The following ZNF331 variants were observed in gnomAD, a reference collection of about 807,000 sequenced individuals.
ZNF331 encodes the protein zinc finger protein 331, also known as C2H2-like zinc finger protein rearranged in thyroid adenomas.
Under a neutral mutation model 7.0 loss-of-function variants are expected in ZNF331, and 2 were observed. That is an observed-to-expected ratio of 0.29 (90% CI 0.12 to 0.90). The LOEUF is 0.90. Ranked by LOEUF, ZNF331 falls within the 40% of genes least tolerant of loss-of-function variation. The pLI is 0.58. For missense variants in ZNF331, 432 were observed against 587.7 expected (o/e 0.74, Z 2.74); for synonymous variants, 196 against 205.4 (o/e 0.95, Z 0.39).
At chr19:53,519,623 G>C (rs1212783817), upstream of ZNF331, among the ~76,000 whole-genome samples, 2 of 152,186 alleles carry the variant, frequency 1.3e-5, no homozygotes, top group African/African-American at 4.8e-5. Context: ...AAGCCATACA[G>C]CCCAGGCCTC....
chr19:53,550,465 A>G (rs757116309), intron 2 of ZNF331, among the ~76,000 whole-genome samples: 5 of 150,348 alleles, frequency 3.3e-5, no homozygotes, highest in African/African-American at 9.8e-5. Context: ...CTGATGGACT[A>G]ATTTTATTAT....
chr19:53,572,589 ATATT>A (rs1368445953), intron 5 of ZNF331, among the ~76,000 whole-genome samples: 2 of 62,620 alleles, frequency 3.2e-5, no homozygotes, highest in African/African-American at 8.6e-5. Context: ...ATACACATAT[ATATT>A]ATATATACAC....
At chr19:53,547,502 A>G (rs2088691321) in intron 2 of ZNF331, among the ~76,000 whole-genome samples, 1 of 152,204 alleles carries the variant, frequency 6.6e-6, no homozygotes, top group Non-Finnish European at 1.5e-5. Flanking sequence ...ACGGGAGCAC[A>G]GGTATCGCCA....
upstream of ZNF331, among the ~76,000 whole-genome samples, chr19:53,516,510 G>A (rs1020028608): frequency 2.0e-5 from 3 of 151,852 alleles, no homozygotes; most frequent in Admixed American, 2.0e-4. Context: ...AGTTTCTGAA[G>A]GATAAACTGA....
At chr19:53,552,555 CA>C (rs1225832704) in intron 2 of ZNF331, among the ~76,000 whole-genome samples, 19 of 143,576 alleles carry the variant, frequency 1.3e-4, no homozygotes, top group South Asian at 2.2e-4. Context: ...CCGTCTCTAC[CA>C]AAAAAAAAAG....
chr19:53,564,031 C>CAAAAA (rs57538972), intron 3 of ZNF331, among the ~76,000 whole-genome samples: 2 of 75,630 alleles, frequency 2.6e-5, no homozygotes, highest in African/African-American at 1.2e-4. Flanking sequence ...GACTTCATCT[C>CAAAAA]AAAAAAAAAA....
At chr19:53,517,405 C>T (rs2086928645), upstream of ZNF331, among the ~76,000 whole-genome samples, 2 of 152,130 alleles carry the variant, frequency 1.3e-5, no homozygotes, top group South Asian at 4.1e-4. Flanking sequence ...ATCAGTCCTC[C>T]CCACAGGACT....
chr19:53,558,256 T>C lies in ZNF331; in HGVS notation c.-74+2348T>C, dbSNP rs540974753. The stretch of plus-strand genomic sequence containing the variant: ...ATATACCAGTTTATTACAAAGGATA[T>C]TTTAAAGGATACTAATGAACAGCCA... On this transcript the variant is annotated intron_variant, in intron 3 of 5. Coordinates refer to ENST00000449416, the MANE Select transcript of ZNF331 (RefSeq NM_001079906.2). The surrounding 1 kb of genome is among the most constrained non-coding windows in gnomAD (Gnocchi z 4.5). Among the ~76,000 whole-genome samples, 18 of 152,274 alleles carry C rather than the reference T, an allele frequency of 1.2e-4. No individual in the cohort carries two copies. The highest frequency in any genetic ancestry group is 3.9e-4 in the African/African-American group (16 of 41,534).
upstream of ZNF331, among the ~76,000 whole-genome samples, chr19:53,520,054 A>ATTC (rs1394650496): frequency 6.6e-6 from 1 of 151,548 alleles, no homozygotes; most frequent in Admixed American, 6.6e-5. Flanking sequence ...TATTATTATT[A>ATTC]TTATTATTTT....
rs2089553874 is a variant in ZNF331 at position 53,558,138 on chromosome 19, C to G, written c.-74+2230C>G. Reference sequence around the variant, plus strand: ...CCCCACTAGCCACAAGACCAGGCCTCTGGGACATCTTGCCAACCCTCTACA... The same window carrying G: ...CCCCACTAGCCACAAGACCAGGCCTGTGGGACATCTTGCCAACCCTCTACA... On this transcript the variant is annotated intron_variant, in intron 3 of 5. Transcript: ENST00000449416. This position sits in a 1 kb window ranked among gnomAD's most constrained non-coding sequence, Gnocchi z 4.5. Among the ~76,000 whole-genome samples the G allele has an allele frequency of 1.3e-5, 2 of 152,172 alleles. No homozygotes were observed. Among genetic ancestry groups the G allele is most frequent in the African/African-American group, 4.8e-5 (2 of 41,432 alleles).
intron 2 of ZNF331, among the ~76,000 whole-genome samples, chr19:53,531,404 CTG>C (rs1338155133): frequency 6.6e-6 from 1 of 152,134 alleles, no homozygotes; most frequent in East Asian, 1.9e-4. Flanking sequence ...CTTTGGCAAA[CTG>C]TGTAGCTTTT....
At chr19:53,514,244 G>C in the ZNF331 span, among the ~76,000 whole-genome samples, 1 of 152,072 alleles carries the variant, frequency 6.6e-6, no homozygotes, top group Non-Finnish European at 1.5e-5. Context: ...TGTTGCCCAG[G>C]CTGGAGTGCA....
chr19:53,509,549 G>A, the ZNF331 span, among the ~76,000 whole-genome samples: 1 of 152,196 alleles, frequency 6.6e-6, no homozygotes, highest in Non-Finnish European at 1.5e-5. Context: ...TACACAGGAA[G>A]TAGATGGATC....
In ZNF331 at chr19:53,579,125, T is replaced by C. The variant is rs776705584; in HGVS notation, c.*1173T>C. The C allele has an allele frequency of 2.7e-4, 54 of 200,462 alleles. No individual in the cohort carries two copies. The highest frequency in any genetic ancestry group is 4.8e-4 in the Non-Finnish European group (47 of 97,310). The allele number at this position is 200,462 out of a possible 1,614,324, so 12.4% of individuals were successfully genotyped here. A position where few individuals can be genotyped will look rare whatever the true frequency, so the allele number is the denominator to read the frequency against. The stretch of plus-strand genomic sequence containing the variant: ...ACTGATCACTCTTCTGCTTACAGAA[T>C]ATCAGAAGTCATTCTAGAGGCAAAT... On this transcript the variant is annotated 3_prime_UTR_variant, in exon 6 of 6. Coordinates refer to ENST00000449416, the MANE Select transcript of ZNF331 (RefSeq NM_001079906.2).
intron 5 of ZNF331, among the ~76,000 whole-genome samples, chr19:53,575,761 G>T (rs1052629642): frequency 3.3e-5 from 5 of 151,808 alleles, no homozygotes; most frequent in Admixed American, 3.3e-4. Context: ...TCGGCTCACC[G>T]CAACTTCTGC....
intron 3 of ZNF331, among the ~76,000 whole-genome samples, chr19:53,568,345 G>T (rs2090265283): frequency 6.6e-6 from 1 of 152,024 alleles, no homozygotes; most frequent in African/African-American, 2.4e-5. Flanking sequence ...TTACTCTGCT[G>T]TCTTTGATGT....
chr19:53,534,159 C>G (rs1320892262), upstream of ZNF331, among the ~76,000 whole-genome samples: 1 of 152,200 alleles, frequency 6.6e-6, no homozygotes. Flanking sequence ...AGTCAAAAGT[C>G]TAAAGTGGGT....
chr19:53,534,111 G>A (rs1568467304), upstream of ZNF331, among the ~76,000 whole-genome samples: 1 of 152,140 alleles, frequency 6.6e-6, no homozygotes, highest in African/African-American at 2.4e-5. Flanking sequence ...ACAGTGAAAG[G>A]TCATTCAAGA....
chr19:53,520,491 A>G (rs1417478381), upstream of ZNF331, among the ~76,000 whole-genome samples: 1 of 152,228 alleles, frequency 6.6e-6, no homozygotes, highest in African/African-American at 2.4e-5. Context: ...CTTAGGAGCA[A>G]GCAAAGTTTC....
Sources: gnomAD v4.1 joint callset for allele counts (sites outside exome capture counted in the v4.1 genomes callset) on GRCh38, gnomAD v4.1.1 for gene constraint, Gnocchi (gnomAD v3.1) non-coding constraint, MANE v1.5 for transcripts, NCBI Gene and HGNC (gene_info 2026-07-23, HGNC 2026-07-21) for gene names.